NRP2: variants seen among roughly 807,000 people sequenced by gnomAD.
NRP2 encodes the protein neuropilin 2, also known as neuropilin-2.
In NRP2, 52 loss-of-function variants were observed where a neutral mutation model predicts 110.4. That is an observed-to-expected ratio of 0.47 (90% CI 0.38 to 0.59). NRP2 has a LOEUF of 0.59. NRP2 is among the 20% of genes least tolerant of loss of function. NRP2 has a pLI of 0.00. For synonymous variants in NRP2, 508 were observed against 468.9 expected (o/e 1.08, Z -1.08); for missense variants, 1,049 against 1,203.0 (o/e 0.87, Z 1.89).
At chr2:205,787,039 A>T (rs997101387) in intron 15 of NRP2, among the ~76,000 whole-genome samples, 1 of 152,174 alleles carries the variant, frequency 6.6e-6, no homozygotes, top group African/African-American at 2.4e-5. Flanking sequence ...CACCCTCTTC[A>T]AAGAACCCTC....
intron 1 of NRP2, among the ~76,000 whole-genome samples, chr2:205,695,849 G>A (rs1171529987): frequency 6.6e-6 from 1 of 152,130 alleles, no homozygotes; most frequent in Non-Finnish European, 1.5e-5. Context: ...GGTGAGTGGT[G>A]TGGGCACCTG....
intron 7 of NRP2, among the ~76,000 whole-genome samples, chr2:205,733,803 C>A (rs910822844): frequency 2.0e-5 from 3 of 152,020 alleles, no homozygotes; most frequent in Non-Finnish European, 4.4e-5. Context: ...CCAGCCCCAC[C>A]CCTGAGCTGC....
chr2:205,704,570 C>T (rs1480048760), intron 2 of NRP2, among the ~76,000 whole-genome samples: 1 of 152,188 alleles, frequency 6.6e-6, no homozygotes, highest in Non-Finnish European at 1.5e-5. Flanking sequence ...CCAACCTTGA[C>T]CACAGGGTCC....
At chr2:205,792,774 T>C (rs2105976785) in intron 16 of NRP2, among the ~76,000 whole-genome samples, 1 of 152,350 alleles carries the variant, frequency 6.6e-6, no homozygotes, top group South Asian at 2.1e-4. Context: ...TTTTTCACAC[T>C]GACCATCTCG....
rs1389066613 is a variant in NRP2, at chr2:205,749,822, G to A, written c.1884G>A (p.Glu628=). Reference sequence around the variant, plus strand: ...AAGAGGAGGCCACAGAGTGTGGGGAGAACTGCAGCTTTGAGGATGGTAAGC... The same window carrying A: ...AAGAGGAGGCCACAGAGTGTGGGGAAAACTGCAGCTTTGAGGATGGTAAGC... ...PTEEEATECG[E]NCSFEDDKDL... Residue 628 remains glutamate, a synonymous_variant, in exon 11 of 17, where the codon GAG becomes GAA. Transcript: ENST00000357785. 1.2e-6 allele frequency: 2 copies of A among 1,613,764 alleles called. No homozygotes were observed. The highest frequency in any genetic ancestry group is 2.7e-5 in the African/African-American group (2 of 74,924).
chr2:205,745,117 C>A (rs1246759606), intron 9 of NRP2, among the ~76,000 whole-genome samples: 2 of 152,174 alleles, frequency 1.3e-5, no homozygotes, highest in Non-Finnish European at 2.9e-5. Context: ...GCCCCCTGCT[C>A]CCCGCATCAT....
rs114685221 is a variant in NRP2 at position 205,781,878 on chromosome 2, T to A, written c.2426-10357T>A. Reference sequence around the variant, plus strand: ...TAGGAATAGTGTAGGATTTAATTAATCCTGACACAGATCAGGTGCACCACA... The same window carrying A: ...TAGGAATAGTGTAGGATTTAATTAAACCTGACACAGATCAGGTGCACCACA... On this transcript the variant is annotated intron_variant, in intron 15 of 16. Transcript: ENST00000357785. 5.6e-3 allele frequency among the ~76,000 whole-genome samples: 857 copies of A among 152,242 alleles called. 5 individuals carry two copies. Among genetic ancestry groups the A allele is most frequent in the Non-Finnish European group, 8.1e-3 (553 of 68,018 alleles).
intron 7 of NRP2, among the ~76,000 whole-genome samples, chr2:205,730,510 C>T (rs2057217288): frequency 6.6e-6 from 1 of 152,100 alleles, no homozygotes; most frequent in African/African-American, 2.4e-5. Flanking sequence ...AAGTGAAATT[C>T]AGACAACAGG....
At chr2:205,714,857 G>A (rs1182415915) in intron 2 of NRP2, among the ~76,000 whole-genome samples, 1 of 152,162 alleles carries the variant, frequency 6.6e-6, no homozygotes, top group Non-Finnish European at 1.5e-5. Flanking sequence ...CCTGGGGGCT[G>A]AAGTGAGGCC....
chr2:205,687,301 T>A (rs1319592688), intron 1 of NRP2, among the ~76,000 whole-genome samples: 1 of 152,202 alleles, frequency 6.6e-6, no homozygotes, highest in Non-Finnish European at 1.5e-5. Flanking sequence ...TTAGCCTGTC[T>A]CCCCAAAATG....
At chr2:205,716,134 C>T in intron 2 of NRP2, 59 bp from the exon 3 acceptor site, 2 of 1,549,902 alleles carry the variant, frequency 1.3e-6, no homozygotes, top group South Asian at 2.2e-5. Flanking sequence ...GGGAGCGACA[C>T]AGTGGTCCTT....
rs764026066 is a variant in NRP2 at position 205,794,865 on chromosome 2, C to G, written c.2588C>G (p.Thr863Ser). Residue 863 changes from threonine (T) to serine (S), a missense_variant, in exon 17 of 17, where the codon ACC becomes AGC. Transcript: ENST00000357785. ...WLYTLDPILI[T>S]IIAMSSLGVL... ...TACACCCTGGATCCCATCCTCATCA[C>G]CATCATCGCCATGAGCTCACTGGGC... 2 of 1,614,214 alleles carry G rather than the reference C, an allele frequency of 1.2e-6. No homozygotes were observed. The highest frequency in any genetic ancestry group is 1.7e-6 in the Non-Finnish European group (2 of 1,180,032).
intron 7 of NRP2, among the ~76,000 whole-genome samples, chr2:205,737,360 C>A (rs770749245): frequency 3.9e-5 from 6 of 152,222 alleles, no homozygotes; most frequent in Non-Finnish European, 7.3e-5. Flanking sequence ...GGTTTAGAAG[C>A]AGGGGACCAG....
chr2:205,734,613 C>G (rs2057309829), intron 7 of NRP2, among the ~76,000 whole-genome samples: 1 of 152,114 alleles, frequency 6.6e-6, no homozygotes, highest in Non-Finnish European at 1.5e-5. Context: ...CACATTTGTT[C>G]CTGACACTAG....
At chr2:205,771,285 G>A (rs1255362336) in intron 15 of NRP2, among the ~76,000 whole-genome samples, 1 of 152,190 alleles carries the variant, frequency 6.6e-6, no homozygotes, top group Non-Finnish European at 1.5e-5. Context: ...TTGTGCTTGT[G>A]CGTCTTTTTT....
chr2:205,693,025 A>G (rs1368890994), intron 1 of NRP2, among the ~76,000 whole-genome samples: 2 of 152,218 alleles, frequency 1.3e-5, no homozygotes, highest in African/African-American at 4.8e-5. Context: ...TATTTCTAAT[A>G]AACTTCCTGG....
chr2:205,737,618 AG>A (rs1474868021), intron 7 of NRP2, among the ~76,000 whole-genome samples: 1 of 152,262 alleles, frequency 6.6e-6, no homozygotes, highest in Admixed American at 6.5e-5. Flanking sequence ...AACAGAAGGC[AG>A]ATGTGAACAC....
chr2:205,746,044 G>T (rs1004492517), intron 10 of NRP2, among the ~76,000 whole-genome samples, 154 bp downstream of exon 10: 2 of 152,220 alleles, frequency 1.3e-5, no homozygotes, highest in Admixed American at 1.3e-4. Context: ...CAGACCACGG[G>T]TACTGCAGCC....
intron 2 of NRP2, among the ~76,000 whole-genome samples, chr2:205,707,368 A>G (rs1248147506): frequency 6.6e-6 from 1 of 152,208 alleles, no homozygotes; most frequent in African/African-American, 2.4e-5. Flanking sequence ...CTGCTTGGAC[A>G]TTAGTGCAGG....
Sources: gnomAD v4.1 joint callset for allele counts (sites outside exome capture counted in the v4.1 genomes callset) on GRCh38, gnomAD v4.1.1 for gene constraint, MANE v1.5 for transcripts, NCBI Gene and HGNC (gene_info 2026-07-23, HGNC 2026-07-21) for gene names.